Variants in GBGT1 observed in about 807,000 individuals in gnomAD.
GBGT1 encodes globoside alpha-1,3-N-acetylgalactosaminyltransferase 1 (FORS blood group).
A neutral mutation model predicts 20.9 loss-of-function variants in GBGT1; 18 were observed. The ratio of observed to expected loss-of-function variants is 0.86; its 90% CI spans 0.60 to 1.28. The LOEUF (loss-of-function observed/expected upper bound fraction) is 1.28, where lower values mean the gene tolerates loss of function less well. GBGT1 is among the 50% of genes most tolerant of loss of function. GBGT1 has a pLI of 0.00. For missense variants in GBGT1, 432 were observed against 455.7 expected, an observed-to-expected ratio of 0.95 and a Z score of 0.47; for synonymous variants, 168 against 180.8, an observed-to-expected ratio of 0.93 and a Z score of 0.57.
chr9:133,162,449 G>T lies in GBGT1; in HGVS notation c.-37C>A, dbSNP rs763483327. ...GCACCTGAGCCTGGGCACTTGTAGA[G>T]ACCCCCACTGGCCTGGGCGGATGAG... On this transcript the variant is annotated 5_prime_UTR_variant, in exon 2 of 7. Coordinates refer to ENST00000372040, the MANE Select transcript of GBGT1 (RefSeq NM_021996.6). 1 of 1,553,192 alleles carries T rather than the reference G, an allele frequency of 6.4e-7. No homozygotes were observed. The highest frequency in any genetic ancestry group is 8.8e-7 in the Non-Finnish European group (1 of 1,139,752).
chr9:133,153,303 A>G lies in GBGT1; in HGVS notation c.*274T>C. 1 of 340,492 alleles carries G rather than the reference A, an allele frequency of 2.9e-6. No homozygotes were observed. The highest frequency in any genetic ancestry group is 5.3e-6 in the Non-Finnish European group (1 of 188,500). 21.1% of individuals were successfully genotyped at this position (340,492 alleles called of 1,614,324 possible). On this transcript the variant is annotated 3_prime_UTR_variant, in exon 7 of 7. Transcript: ENST00000372040. The stretch of plus-strand genomic sequence containing the variant: ...GCTTCAGAGCCTGCCCCGCAAAGGC[A>G]CGGCTGCAGAACGTGGCAAGCCTGC...
At chr9:133,162,781 C>T (rs888648846) in intron 1 of GBGT1, among the ~76,000 whole-genome samples, 1 of 152,190 alleles carries the variant, frequency 6.6e-6, no homozygotes, top group Non-Finnish European at 1.5e-5. Context: ...GTGATCCACC[C>T]GCCTCGGCCT....
At chr9:133,161,670 T>A in intron 2 of GBGT1, 138 bp from the exon 3 acceptor site, 1 of 608,218 alleles carries the variant, frequency 1.6e-6, no homozygotes, top group Non-Finnish European at 2.9e-6. Context: ...TCTGTAGGTC[T>A]GGCTGACCTT....
intron 5 of GBGT1, 54 bp downstream of exon 5, chr9:133,155,847 A>G: frequency 6.3e-7 from 1 of 1,580,176 alleles, no homozygotes; most frequent in South Asian, 1.1e-5. Flanking sequence ...CTTATAAATC[A>G]GAGCTCTTTT....
At chr9:133,162,595 G>A in intron 1 of GBGT1, 63 bp from the exon 2 acceptor site, 1 of 609,026 alleles carries the variant, frequency 1.6e-6, no homozygotes. Flanking sequence ...GGGCTGGAGT[G>A]CAGTGGCGCA....
At position 133,161,513 on chromosome 9, in the gene GBGT1, GC is replaced by G; in HGVS notation, c.90del (p.Trp30CysfsTer19). On this transcript the variant is annotated frameshift_variant, in exon 3 of 7. Transcript: ENST00000372040. LOFTEE classifies it high-confidence loss of function. Reference sequence around the variant, plus strand: ...TAATAGGGGACATAGGAGACTGGCAGCCAGTTCTCAAGATACACCCTGTGAA... The same window carrying G: ...TAATAGGGGACATAGGAGACTGGCAGCAGTTCTCAAGATACACCCTGTGAA... Reference protein sequence around the residue: ...LSVLWVYLENWLPVSYVPYYL... With the variant: ...LSVLWVYLENXLPVSYVPYYL... The G allele has an allele frequency of 6.2e-7, 1 of 1,610,146 alleles. No individual in the cohort carries two copies. The highest frequency in any genetic ancestry group is 1.1e-5 in the South Asian group (1 of 90,474).
At position 133,155,284 on chromosome 9, in the gene GBGT1, A is replaced by G. The variant is rs201031889; in HGVS notation, c.253T>C (p.Trp85Arg). Residue 85 changes from tryptophan (W) to arginine (R), a missense_variant, in exon 6 of 7, where the codon TGG (tryptophan) becomes CGG (arginine). Physicochemically the swap from Trp to Arg is moderately radical, Grantham distance 101 (BLOSUM62 -3). Transcript: ENST00000372040. ...CCCTCGGAGACGATGGGCGCCAACCAGGGTGTGAGTGTCAGCAGCTGTGTG... is the reference window on the plus strand; with the variant it reads ...CCCTCGGAGACGATGGGCGCCAACCGGGGTGTGAGTGTCAGCAGCTGTGTG... ...RPTQLLTLTP[W>R]LAPIVSEGTF... 2 of 1,613,988 alleles carry G rather than the reference A, an allele frequency of 1.2e-6. No individual in the cohort carries two copies. The highest frequency in any genetic ancestry group is 2.7e-5 in the African/African-American group (2 of 74,988).
Position 133,161,517 on chromosome 9 carries a change from G to A in GBGT1, c.87C>T (p.Asn29=), listed in dbSNP as rs1339889842. Residue 29 remains asparagine (N), a synonymous_variant, in exon 3 of 7, where the codon AAC becomes AAT. Coordinates refer to ENST00000372040, the MANE Select transcript of GBGT1 (RefSeq NM_021996.6). ...AGGGGACATAGGAGACTGGCAGCCA[G>A]TTCTCAAGATACACCCTGTGAATAA... ...SLSVLWVYLE[N]WLPVSYVPYY... 3.1e-6 allele frequency: 5 copies of A among 1,609,588 alleles called. No homozygotes were observed. Among genetic ancestry groups the A allele is most frequent in the Non-Finnish European group, 4.2e-6 (5 of 1,177,374 alleles).
At chr9:133,159,123 G>A (rs1011453569) in intron 3 of GBGT1, among the ~76,000 whole-genome samples, 18 of 151,932 alleles carry the variant, frequency 1.2e-4, no homozygotes, top group African/African-American at 3.9e-4. Context: ...ACCACACCCC[G>A]CCAATTTTTG....
chr9:133,158,100 C>T (rs1832925888), intron 3 of GBGT1, among the ~76,000 whole-genome samples: 1 of 151,832 alleles, frequency 6.6e-6, no homozygotes, highest in African/African-American at 2.4e-5. Context: ...AGCCGAGATC[C>T]CGCCACTGCA....
chr9:133,157,902 T>C (rs1449960760), intron 3 of GBGT1, among the ~76,000 whole-genome samples: 1 of 152,110 alleles, frequency 6.6e-6, no homozygotes, highest in African/African-American at 2.4e-5. Context: ...ATCCCAGCAC[T>C]TTGGGAGGCC....
At chr9:133,155,734 G>C (rs1199421753) in intron 5 of GBGT1, among the ~76,000 whole-genome samples, 167 bp downstream of exon 5, 1 of 152,034 alleles carries the variant, frequency 6.6e-6, no homozygotes, top group African/African-American at 2.4e-5. Flanking sequence ...GCTGCCCAGG[G>C]TCACACAGCC....
chr9:133,161,263 T>C (rs763940558), intron 3 of GBGT1: 48 of 541,730 alleles, frequency 8.9e-5, no homozygotes, highest in Non-Finnish European at 1.5e-4. Flanking sequence ...TGCAGGGGGC[T>C]GCAAGGATGC....
intron 3 of GBGT1, among the ~76,000 whole-genome samples, chr9:133,160,607 C>G (rs1228465989): frequency 6.6e-6 from 1 of 152,162 alleles, no homozygotes; most frequent in Non-Finnish European, 1.5e-5. Context: ...TCATCACAAA[C>G]TAACTGAGAG....
chr9:133,159,956 A>T (rs1832984369), intron 3 of GBGT1: 1 of 153,370 alleles, frequency 6.5e-6, no homozygotes, highest in South Asian at 1.8e-4. Context: ...TAACGGGAAG[A>T]CGTAGGGAAA....
chr9:133,161,414 A>G, intron 3 of GBGT1, 53 bp downstream of exon 3: 9 of 1,138,968 alleles, frequency 7.9e-6, no homozygotes, highest in Non-Finnish European at 1.0e-5. Flanking sequence ...CTGTCTCCCC[A>G]ACTGTGAGCA....
Position 133,156,020 on chromosome 9 carries a change from C to T in GBGT1, c.183G>A (p.Val61=), listed in dbSNP as rs1832860075. The change falls in exon 4 of 7, where the codon GTG becomes GTA. Residue 61 remains valine (V), a synonymous_variant. Coordinates refer to ENST00000372040, the MANE Select transcript of GBGT1 (RefSeq NM_021996.6). ...GGAAATGCCAGTCTCCTTACCATAC[C>T]ACGGGCTGGAGTGGCTTCTCCCTCT... is the stretch of plus-strand genomic sequence containing the variant. ...HYKREKPLQP[V]VWSQYPQPKL... 8 of 1,614,076 alleles carry T rather than the reference C, an allele frequency of 5.0e-6. No individual in the cohort carries two copies. The highest frequency in any genetic ancestry group is 6.8e-6 in the Non-Finnish European group (8 of 1,179,924).
rs544092427 is a variant in GBGT1 at position 133,153,511 on chromosome 9, C to T, written c.*66G>A. 31 of 1,211,384 alleles carry T rather than the reference C, an allele frequency of 2.6e-5. No homozygotes were observed. The highest frequency in any genetic ancestry group is 2.1e-4 in the Middle Eastern group (1 of 4,694). The allele number at this position is 1,211,384 out of a possible 1,614,324, so 75.0% of individuals were successfully genotyped here. A position where few individuals can be genotyped will look rare whatever the true frequency, so the allele number is the denominator to read the frequency against. ...GGAGGCGGGACAGGGCTGGTCTGCA[C>T]GCTAGTGAAGCACTGGTGGCTGCAG... is the stretch of plus-strand genomic sequence containing the variant. On this transcript the variant is annotated 3_prime_UTR_variant, in exon 7 of 7. Coordinates refer to ENST00000372040, the MANE Select transcript of GBGT1 (RefSeq NM_021996.6).
At chr9:133,160,281 T>TATTATA (rs145838285) in intron 3 of GBGT1, 1 of 144,078 alleles carries the variant, frequency 6.9e-6, no homozygotes, top group Non-Finnish European at 1.5e-5. Context: ...TCTGTCTCAA[T>TATTATA]ATAATAATAA....
Sources: allele counts gnomAD v4.1 joint callset (sites outside exome capture counted in the v4.1 genomes callset), GRCh38; gene constraint gnomAD v4.1.1; transcripts MANE v1.5; gene names NCBI Gene and HGNC (gene_info 2026-07-23, HGNC 2026-07-21).